Variants in UBE2L6 observed in about 807,000 individuals in gnomAD.
UBE2L6 encodes ubiquitin conjugating enzyme E2 L6, also known as ubiquitin/ISG15-conjugating enzyme E2 L6.
UBE2L6 carries 11 observed loss-of-function variants against 13.6 expected under a neutral mutation model. The observed-to-expected ratio is 0.81, with a 90% CI of 0.51 to 1.34. The LOEUF is 1.34. UBE2L6 is among the 40% of genes most tolerant of loss of function. The pLI, the probability that UBE2L6 is intolerant of heterozygous loss-of-function variation, is 0.00. For synonymous variants in UBE2L6, 74 were observed against 83.2 expected (o/e 0.89, Z 0.60); for missense variants, 197 against 199.5 (o/e 0.99, Z 0.07).
At chr11:57,567,113 G>A (rs1352426627) in intron 1 of UBE2L6, 3 of 457,732 alleles carry the variant, frequency 6.6e-6, no homozygotes, top group South Asian at 1.5e-5. Context: ...TCAGCATTCC[G>A]TGTTTCTCAG....
Position 57,559,564 on chromosome 11 carries a change from C to T in UBE2L6, c.123+773G>A, listed in dbSNP as rs181531202. Among the ~76,000 whole-genome samples, 571 of 152,006 alleles carry T rather than the reference C, an allele frequency of 3.8e-3. 2 individuals carry two copies. The highest frequency in any genetic ancestry group is 5.7e-3 in the Non-Finnish European group (390 of 67,960). ...AGTGGAGGTTGCAGGAAACGAACAT[C>T]GCATCACTGCACTCCAGCCTGGGTG... On this transcript the variant is annotated intron_variant, in intron 2 of 3. Transcript: ENST00000287156.
At chr11:57,558,241 G>A (rs1435589815) in intron 2 of UBE2L6, among the ~76,000 whole-genome samples, 2 of 151,998 alleles carry the variant, frequency 1.3e-5, no homozygotes, top group Non-Finnish European at 2.9e-5. Flanking sequence ...ACCATGCCCA[G>A]CTAATTTTTG....
rs116129053 is a variant in UBE2L6 at position 57,555,477 on chromosome 11, G to A, written c.124-854C>T. Among the ~76,000 whole-genome samples, 98 of 152,284 alleles carry A rather than the reference G, an allele frequency of 6.4e-4. 1 individual carries two copies. The highest frequency in any genetic ancestry group is 2.3e-3 in the African/African-American group (96 of 41,562). ...TACAAAAGTGGTCACCAGGTGCTGG[G>A]GAAAGAAAGGAATGGGGAGTTACTG... is the stretch of plus-strand genomic sequence containing the variant. On this transcript the variant is annotated intron_variant, in intron 2 of 3. Transcript: ENST00000287156.
intron 2 of UBE2L6, among the ~76,000 whole-genome samples, chr11:57,556,312 C>T (rs1944996852): frequency 6.6e-6 from 1 of 152,066 alleles, no homozygotes; most frequent in Non-Finnish European, 1.5e-5. Flanking sequence ...AGGCCGGGCA[C>T]GATGGCTCAC....
At chr11:57,556,994 G>A (rs191974159) in intron 2 of UBE2L6, among the ~76,000 whole-genome samples, 1 of 151,788 alleles carries the variant, frequency 6.6e-6, no homozygotes, top group Admixed American at 6.6e-5. Flanking sequence ...GCTGAGGCAT[G>A]AGAATTGCTT....
intron 1 of UBE2L6, among the ~76,000 whole-genome samples, chr11:57,564,044 T>C (rs1398242405): frequency 6.6e-6 from 1 of 152,098 alleles, no homozygotes. Context: ...TTCAAACGGA[T>C]AGTAGCAGAG....
At chr11:57,566,942 T>TTCCCC in intron 1 of UBE2L6, 2 of 193,392 alleles carry the variant, frequency 1.0e-5, no homozygotes, top group Non-Finnish European at 2.0e-5. Flanking sequence ...TGTTCATCTC[T>TTCCCC]GCCCGCCCCC....
intron 2 of UBE2L6, among the ~76,000 whole-genome samples, chr11:57,554,876 C>A (rs1231526121): frequency 6.6e-6 from 1 of 151,288 alleles, no homozygotes; most frequent in Non-Finnish European, 1.5e-5. Flanking sequence ...CACTTCCCAC[C>A]TCTAGGCCTC....
intron 2 of UBE2L6, among the ~76,000 whole-genome samples, chr11:57,558,189 G>A (rs191550976): frequency 1.5e-4 from 23 of 151,956 alleles, no homozygotes; most frequent in Non-Finnish European, 2.7e-4. Flanking sequence ...AGTGATTCTC[G>A]TGCCTCAGCC....
In UBE2L6 at chr11:57,552,495, T is replaced by C; in HGVS notation, c.325A>G (p.Asn109Asp). 6.2e-7 allele frequency: 1 copy of C among 1,614,124 alleles called. No individual in the cohort carries two copies. Among genetic ancestry groups the C allele is most frequent in the Non-Finnish European group, 8.5e-7 (1 of 1,180,018 alleles). Residue 109 changes from asparagine (N) to aspartate (D), a missense_variant, in exon 4 of 4, where the codon AAT becomes GAT. Transcript: ENST00000287156. ...ATATTCGGTCTATTCACCAGCACATTGAGGGCCTCCAGGACTGGGGAGAGA... is the reference window on the plus strand; with the variant it reads ...ATATTCGGTCTATTCACCAGCACATCGAGGGCCTCCAGGACTGGGGAGAGA... ...TKTCQVLEAL[N>D]VLVNRPNIRE...
At chr11:57,565,071 C>T (rs1945077016) in intron 1 of UBE2L6, among the ~76,000 whole-genome samples, 2 of 151,856 alleles carry the variant, frequency 1.3e-5, no homozygotes, top group Admixed American at 6.6e-5. Context: ...GGAGAAACCC[C>T]GTCTCTACTA....
chr11:57,553,767 A>G (rs1944976525), intron 3 of UBE2L6, among the ~76,000 whole-genome samples: 1 of 152,200 alleles, frequency 6.6e-6, no homozygotes, highest in South Asian at 2.1e-4. Context: ...TGGAGGTTGC[A>G]GTGAGCCAAG....
chr11:57,555,892 A>G (rs945680432), intron 2 of UBE2L6, among the ~76,000 whole-genome samples: 4 of 152,162 alleles, frequency 2.6e-5, no homozygotes, highest in African/African-American at 9.7e-5. Context: ...AATCCTATTT[A>G]ATGACACTGA....
At position 57,554,485 on chromosome 11, in the gene UBE2L6, G is replaced by T. The variant is rs1944982320; in HGVS notation, c.262C>A (p.Pro88Thr). ...TTCCAGTTCTCACTGCTGATGATGG[G>T]CAGGCAAATCTGTCCGTTCTCGTCC... ...NVDENGQICL[P>T]IISSENWKPC... The change falls in exon 3 of 4, where the codon CCC becomes ACC. Residue 88 changes from proline to threonine, a missense_variant. Transcript: ENST00000287156. 1 of 1,614,056 alleles carries T rather than the reference G, an allele frequency of 6.2e-7. No homozygotes were observed. Among genetic ancestry groups the T allele is most frequent in the African/African-American group, 1.3e-5 (1 of 74,930 alleles).
chr11:57,559,397 G>C (rs1945021436), intron 2 of UBE2L6, among the ~76,000 whole-genome samples: 1 of 152,172 alleles, frequency 6.6e-6, no homozygotes, highest in African/African-American at 2.4e-5. Flanking sequence ...GATCACTTGA[G>C]GCCAGGAGTT....
At chr11:57,565,102 C>T (rs1174120079) in intron 1 of UBE2L6, among the ~76,000 whole-genome samples, 13 of 151,686 alleles carry the variant, frequency 8.6e-5, no homozygotes, top group African/African-American at 3.1e-4. Flanking sequence ...ATTAGCCAGG[C>T]GTGATGGTGC....
chr11:57,557,311 C>G (rs1945005598), intron 2 of UBE2L6, among the ~76,000 whole-genome samples: 1 of 151,844 alleles, frequency 6.6e-6, no homozygotes, highest in Admixed American at 6.6e-5. Flanking sequence ...TGCATGTGAT[C>G]TGTACACGTG....
chr11:57,563,199 T>C (rs1043262309), intron 1 of UBE2L6, among the ~76,000 whole-genome samples: 1 of 151,370 alleles, frequency 6.6e-6, no homozygotes, highest in Non-Finnish European at 1.5e-5. Context: ...AGTCGAAAAA[T>C]GCAATTGAGG....
chr11:57,566,952 C>CG (rs1195756925), intron 1 of UBE2L6: 18 of 168,350 alleles, frequency 1.1e-4, no homozygotes, highest in South Asian at 8.5e-5. Flanking sequence ...TGCCCGCCCC[C>CG]CCCCCCCTCC....
Sources: allele counts gnomAD v4.1 joint callset (sites outside exome capture counted in the v4.1 genomes callset), GRCh38; gene constraint gnomAD v4.1.1; transcripts MANE v1.5; gene names NCBI Gene and HGNC (gene_info 2026-07-23, HGNC 2026-07-21).